Variants in BMERB1 observed in about 807,000 individuals in gnomAD.
BMERB1 encodes bMERB domain-containing protein 1.
BMERB1 carries 12 observed loss-of-function variants against 23.6 expected under a neutral mutation model. That is an observed-to-expected ratio of 0.51 (90% CI 0.33 to 0.82). The LOEUF is 0.82. BMERB1 is among the 40% of genes least tolerant of loss of function. The pLI is 0.03. For missense variants in BMERB1, 247 were observed against 255.4 expected (o/e 0.97, Z 0.22); for synonymous variants, 122 against 96.6 (o/e 1.26, Z -1.54).
At chr16:15,520,347 C>T (rs1351053860) in intron 2 of BMERB1, among the ~76,000 whole-genome samples, 1 of 152,084 alleles carries the variant, frequency 6.6e-6, no homozygotes. Flanking sequence ...TGCCCCCAGT[C>T]CCACACTTGG....
At chr16:15,455,714 A>C (rs2051081400) in intron 1 of BMERB1, among the ~76,000 whole-genome samples, 1 of 152,098 alleles carries the variant, frequency 6.6e-6, no homozygotes, top group Admixed American at 6.5e-5. Flanking sequence ...CACCAGCCTC[A>C]GCCTCCCAAA....
At chr16:15,513,806 A>T (rs1210947706) in intron 1 of BMERB1, among the ~76,000 whole-genome samples, 2 of 151,986 alleles carry the variant, frequency 1.3e-5, no homozygotes, top group South Asian at 4.2e-4. Flanking sequence ...ACGCAGGAGA[A>T]TCACTCGAAC....
intron 2 of BMERB1, 54 bp from the exon 3 acceptor site, chr16:15,567,929 G>C: frequency 6.6e-7 from 1 of 1,519,508 alleles, no homozygotes. Context: ...GTGATGCTCA[G>C]GGCGTAATGC....
At chr16:15,485,723 AAAG>A (rs2051362854) in intron 1 of BMERB1, among the ~76,000 whole-genome samples, 1 of 151,994 alleles carries the variant, frequency 6.6e-6, no homozygotes, top group African/African-American at 2.4e-5. Context: ...CCAAAAAAAA[AAAG>A]CAAACAAACA....
chr16:15,517,372 G>A (rs1411369628), intron 2 of BMERB1, among the ~76,000 whole-genome samples: 2 of 152,164 alleles, frequency 1.3e-5, no homozygotes, highest in Non-Finnish European at 2.9e-5. Flanking sequence ...TTAGCCACGT[G>A]TGGTGGCGTG....
chr16:15,443,253 T>C (rs1672239), intron 1 of BMERB1, among the ~76,000 whole-genome samples: 49,664 of 145,226 alleles, frequency 0.34, 9,060 homozygotes, highest in Middle Eastern at 0.52. Flanking sequence ...AGACCCTGTC[T>C]CAAAAAAAAA....
At chr16:15,482,894 T>C (rs1030576830) in intron 1 of BMERB1, among the ~76,000 whole-genome samples, 1 of 152,090 alleles carries the variant, frequency 6.6e-6, no homozygotes, top group Non-Finnish European at 1.5e-5. Context: ...GACCATTCAG[T>C]GGGGGAGATC....
intron 1 of BMERB1, among the ~76,000 whole-genome samples, chr16:15,436,597 T>C (rs7404803): frequency 0.87 from 132,948 of 151,954 alleles, 58,481 homozygotes; most frequent in Middle Eastern, 0.94. Context: ...AATTGTTGAC[T>C]GTAGTCATCG....
chr16:15,486,195 C>G (rs1459882140), intron 1 of BMERB1, among the ~76,000 whole-genome samples: 2 of 137,462 alleles, frequency 1.5e-5, no homozygotes, highest in Non-Finnish European at 3.2e-5. Flanking sequence ...GAGCAAGACT[C>G]CATCTCAAAA....
rs142248046 is a variant in BMERB1 at position 15,511,993 on chromosome 16, A to G, written c.107-3312A>G. On this transcript the variant is annotated intron_variant, in intron 1 of 5. Transcript: ENST00000300006. ...GCATCACCACGCTCCAGCCTGGGCA[A>G]CAGAGCAAGACTTGCTCTCAAAAAA... is the stretch of plus-strand genomic sequence containing the variant. Among the ~76,000 whole-genome samples, 703 of 135,338 alleles carry G rather than the reference A, an allele frequency of 5.2e-3. 2 individuals are homozygous for G. Among genetic ancestry groups the G allele is most frequent in the African/African-American group, 0.018 (657 of 35,904 alleles). 88.8% of individuals were successfully genotyped at this position (135,338 alleles called of 152,430 possible).
chr16:15,512,954 T>C (rs1235189735), intron 1 of BMERB1, among the ~76,000 whole-genome samples: 3 of 151,992 alleles, frequency 2.0e-5, no homozygotes, highest in Admixed American at 2.0e-4. Flanking sequence ...ACTTTCATTA[T>C]TCCTTGAGTA....
At chr16:15,584,616 C>CA (rs1489518152) in intron 5 of BMERB1, among the ~76,000 whole-genome samples, 1 of 151,270 alleles carries the variant, frequency 6.6e-6, no homozygotes, top group Non-Finnish European at 1.5e-5. Context: ...CTGGTCTAAG[C>CA]AAAAAAAGGA....
chr16:15,543,045 GA>G (rs2052101313), intron 2 of BMERB1, among the ~76,000 whole-genome samples: 1 of 152,170 alleles, frequency 6.6e-6, no homozygotes, highest in Non-Finnish European at 1.5e-5. Context: ...TGTCCAGGAA[GA>G]ATCAGGTCAC....
intron 1 of BMERB1, among the ~76,000 whole-genome samples, chr16:15,494,176 G>A (rs1288078127): frequency 1.3e-5 from 2 of 152,122 alleles, no homozygotes. Flanking sequence ...CAGAAGTGCC[G>A]AAAAAGATTT....
chr16:15,524,954 G>C (rs2051892386), intron 2 of BMERB1, among the ~76,000 whole-genome samples: 1 of 152,142 alleles, frequency 6.6e-6, no homozygotes, highest in African/African-American at 2.4e-5. Flanking sequence ...CATTGGGTTG[G>C]GAGGGAGATT....
In BMERB1 at chr16:15,474,875, A is replaced by T. The variant is rs144801803; in HGVS notation, c.106+40116A>T. ...GCTAATTTTTGGGTTTTAAGTAGAG[A>T]TGGGGTTTCAACATGTTGGCCAGGC... On this transcript the variant is annotated intron_variant, in intron 1 of 5. Coordinates refer to ENST00000300006, the MANE Select transcript of BMERB1 (RefSeq NM_033201.3). 4.9e-3 allele frequency among the ~76,000 whole-genome samples: 749 copies of T among 151,952 alleles called. 7 individuals are homozygous for T. The highest frequency in any genetic ancestry group is 0.021 in the Middle Eastern group (6 of 292).
intron 1 of BMERB1, among the ~76,000 whole-genome samples, chr16:15,507,501 C>G (rs1459190745): frequency 2.0e-5 from 3 of 152,108 alleles, no homozygotes; most frequent in Non-Finnish European, 4.4e-5. Context: ...GCCCTGGGGA[C>G]GTCTGTGCCT....
chr16:15,501,131 A>G (rs2051525114), intron 1 of BMERB1, among the ~76,000 whole-genome samples: 1 of 151,152 alleles, frequency 6.6e-6, no homozygotes. Context: ...AATCTCGCCC[A>G]TTTCTTTTTA....
At chr16:15,561,822 G>A (rs966335019) in intron 2 of BMERB1, among the ~76,000 whole-genome samples, 12 of 152,124 alleles carry the variant, frequency 7.9e-5, no homozygotes, top group African/African-American at 2.9e-4. Flanking sequence ...TACCCCTGGC[G>A]TTCGAAGCTG....
Sources: gnomAD v4.1 joint callset for allele counts (sites outside exome capture counted in the v4.1 genomes callset) on GRCh38, gnomAD v4.1.1 for gene constraint, MANE v1.5 for transcripts, NCBI Gene and HGNC (gene_info 2026-07-23, HGNC 2026-07-21) for gene names.